Variants in TRABD2A observed in about 807,000 individuals in gnomAD.
TRABD2A encodes the protein metalloprotease TIKI1.
TRABD2A carries 43 observed loss-of-function variants against 45.6 expected under a neutral mutation model. That is an observed-to-expected ratio of 0.94 (90% confidence interval 0.74 to 1.22). The LOEUF is 1.22. Among genes scored for constraint, TRABD2A ranks in the 50% most tolerant of loss-of-function variants. TRABD2A has a pLI of 0.00. For synonymous variants in TRABD2A, 269 were observed against 265.0 expected, an observed-to-expected ratio of 1.02 and a Z score of -0.15; for missense variants, 642 against 652.4, an observed-to-expected ratio of 0.98 and a Z score of 0.17.
chr2:84,875,998 TAA>T lies in TRABD2A; in HGVS notation c.108+4932_108+4933del, dbSNP rs368533574. On this transcript the variant is annotated intron_variant, in intron 1 of 6. Coordinates refer to ENST00000409520, the MANE Select transcript of TRABD2A (RefSeq NM_001277053.2). Reference sequence around the variant, plus strand: ...ACAGAGTGAGACCCTATCTCAAAATTAAAAAAAAAAAAAAAGGAAAGAAAACA... The same window carrying T: ...ACAGAGTGAGACCCTATCTCAAAATTAAAAAAAAAAAAAGGAAAGAAAACA... Among the ~76,000 whole-genome samples the T allele has an allele frequency of 4.4e-3, 565 of 127,028 alleles. 2 individuals carry two copies. The highest frequency in any genetic ancestry group is 0.015 in the African/African-American group (501 of 33,692). 83.3% of individuals were successfully genotyped at this position (127,028 alleles called of 152,430 possible).
At chr2:84,863,965 G>A (rs1465770941) in intron 2 of TRABD2A, among the ~76,000 whole-genome samples, 1 of 151,548 alleles carries the variant, frequency 6.6e-6, no homozygotes, top group Non-Finnish European at 1.5e-5. Flanking sequence ...CTTCCAAATC[G>A]ATCATGGAAA....
chr2:84,859,996 G>C (rs918876726), intron 2 of TRABD2A, among the ~76,000 whole-genome samples: 1 of 152,002 alleles, frequency 6.6e-6, no homozygotes, highest in African/African-American at 2.4e-5. Flanking sequence ...GAACTCCTGG[G>C]CTCAAGTGAA....
intron 5 of TRABD2A, among the ~76,000 whole-genome samples, chr2:84,828,670 T>C (rs975781154): frequency 6.6e-6 from 1 of 152,242 alleles, no homozygotes; most frequent in Non-Finnish European, 1.5e-5. Context: ...AATGAATGCA[T>C]GTGAGCAGTA....
chr2:84,834,936 C>T (rs897827705), intron 4 of TRABD2A: 1 of 152,014 alleles, frequency 6.6e-6, no homozygotes, highest in Non-Finnish European at 1.5e-5. Context: ...AAATGGTAGC[C>T]CCATGTTTAA....
intron 5 of TRABD2A, among the ~76,000 whole-genome samples, chr2:84,829,095 T>C (rs73946021): frequency 0.018 from 2,749 of 152,244 alleles, 81 homozygotes; most frequent in African/African-American, 0.064. Flanking sequence ...CCTTTCACAG[T>C]TTCTTCGTTA....
chr2:84,828,220 T>A (rs1029077389), intron 5 of TRABD2A, among the ~76,000 whole-genome samples: 6 of 152,142 alleles, frequency 3.9e-5, no homozygotes, highest in African/African-American at 1.4e-4. Flanking sequence ...GAGTGGCAGC[T>A]GCTAGTTGCC....
At chr2:84,834,886 A>G (rs1050954351) in intron 4 of TRABD2A, 3 of 152,192 alleles carry the variant, frequency 2.0e-5, no homozygotes, top group African/African-American at 7.2e-5. Context: ...TATGTTTTCA[A>G]TTCTCCTAGG....
chr2:84,854,696 CA>C (rs1682214580), intron 2 of TRABD2A, among the ~76,000 whole-genome samples: 1 of 152,180 alleles, frequency 6.6e-6, no homozygotes, highest in South Asian at 2.1e-4. Context: ...CCTGACTGCC[CA>C]GACCCATGCA....
chr2:84,848,696 C>T (rs866627431), intron 2 of TRABD2A, among the ~76,000 whole-genome samples: 24 of 151,948 alleles, frequency 1.6e-4, no homozygotes, highest in African/African-American at 5.6e-4. Flanking sequence ...GTGCCTCAGC[C>T]ACCCGAGTAG....
chr2:84,855,169 A>G (rs1294816925), intron 2 of TRABD2A, among the ~76,000 whole-genome samples: 1 of 152,208 alleles, frequency 6.6e-6, no homozygotes, highest in East Asian at 1.9e-4. Context: ...ACAAGCAGAA[A>G]ATGCTCATCT....
chr2:84,873,139 G>A (rs1186816220), intron 1 of TRABD2A, among the ~76,000 whole-genome samples: 1 of 140,098 alleles, frequency 7.1e-6, no homozygotes, highest in Non-Finnish European at 1.5e-5. Flanking sequence ...AAAAAATTTA[G>A]GCCGAGCGCA....
intron 2 of TRABD2A, among the ~76,000 whole-genome samples, chr2:84,867,274 C>A (rs1032925631): frequency 6.6e-6 from 1 of 152,080 alleles, no homozygotes; most frequent in Non-Finnish European, 1.5e-5. Context: ...CTACACAAAC[C>A]CTAAGAATGT....
chr2:84,831,670 T>C (rs1681342459), intron 5 of TRABD2A, among the ~76,000 whole-genome samples: 1 of 152,154 alleles, frequency 6.6e-6, no homozygotes, highest in Admixed American at 6.5e-5. Flanking sequence ...ACCACTGTCA[T>C]GGCCCGATTT....
intron 2 of TRABD2A, among the ~76,000 whole-genome samples, chr2:84,855,988 A>G (rs950973190): frequency 6.6e-6 from 1 of 152,158 alleles, no homozygotes; most frequent in Admixed American, 6.5e-5. Flanking sequence ...CGCGGCTCAC[A>G]GTGGCCCGCA....
chr2:84,862,795 C>T (rs1682541253), intron 2 of TRABD2A, among the ~76,000 whole-genome samples: 1 of 152,080 alleles, frequency 6.6e-6, no homozygotes, highest in Non-Finnish European at 1.5e-5. Flanking sequence ...CAGCTCAAGT[C>T]CTGAGCAGGC....
chr2:84,825,169 C>A (rs17025621), intron 5 of TRABD2A, among the ~76,000 whole-genome samples: 12,087 of 152,108 alleles, frequency 0.079, 925 homozygotes, highest in African/African-American at 0.2. Context: ...GCAGTGGATG[C>A]GCCATGTCTA....
intron 1 of TRABD2A, among the ~76,000 whole-genome samples, chr2:84,877,627 A>C (rs994194270): frequency 6.6e-6 from 1 of 152,158 alleles, no homozygotes; most frequent in Non-Finnish European, 1.5e-5. Flanking sequence ...AGAGAGAGAG[A>C]AAACATGGCC....
chr2:84,843,702 A>AG (rs1233342853), intron 2 of TRABD2A: 1 of 152,218 alleles, frequency 6.6e-6, no homozygotes, highest in African/African-American at 2.4e-5. Context: ...CTCTTTTATT[A>AG]GGGCCTTAAT....
Position 84,821,863 on chromosome 2 carries a change from A to G in TRABD2A, c.*54T>C. On this transcript the variant is annotated 3_prime_UTR_variant, in exon 7 of 7. Coordinates refer to ENST00000409520, the MANE Select transcript of TRABD2A (RefSeq NM_001277053.2). ...CTAGACCAGAATGTGGAGTACAGGA[A>G]TGGCCATTCTTCAAGTCCGAGGGGT... The G allele has an allele frequency of 6.9e-7, 1 of 1,443,034 alleles. No individual in the cohort carries two copies. Among genetic ancestry groups the G allele is most frequent in the South Asian group, 1.4e-5 (1 of 69,296 alleles). The allele number at this position is 1,443,034 out of a possible 1,614,324, so 89.4% of individuals were successfully genotyped here. A position where few individuals can be genotyped will look rare whatever the true frequency, so the allele number is the denominator to read the frequency against.
Sources: allele counts gnomAD v4.1 joint callset (sites outside exome capture counted in the v4.1 genomes callset), GRCh38; gene constraint gnomAD v4.1.1; transcripts MANE v1.5; gene names NCBI Gene and HGNC (gene_info 2026-07-23, HGNC 2026-07-21).